SLC25A18: variants seen among roughly 807,000 people sequenced by gnomAD.
The protein encoded by SLC25A18 is solute carrier family 25 member 18.
A neutral mutation model predicts 31.1 loss-of-function variants in SLC25A18; 24 were observed. The ratio of observed to expected loss-of-function variants is 0.77; its 90% confidence interval spans 0.56 to 1.08. The LOEUF is 1.08. Among genes scored for constraint, SLC25A18 ranks in the 50% least tolerant of loss-of-function variants. The probability of loss-of-function intolerance (pLI) is 0.00; values close to 1 mark genes in which losing one functional copy is unlikely to be tolerated. For synonymous variants in SLC25A18, 173 were observed against 161.9 expected (o/e 1.07, Z -0.52); for missense variants, 371 against 418.5 (o/e 0.89, Z 0.99).
chr22:17,568,094 A>G (rs184459837), intron 1 of SLC25A18, among the ~76,000 whole-genome samples: 31 of 152,134 alleles, frequency 2.0e-4, no homozygotes, highest in African/African-American at 6.3e-4. Flanking sequence ...GCCAGGTGCG[A>G]TGGCTCACAC....
At chr22:17,577,576 TCTA>T (rs1384309327) in intron 2 of SLC25A18, among the ~76,000 whole-genome samples, 319 of 140,182 alleles carry the variant, frequency 2.3e-3, no homozygotes, top group Non-Finnish European at 3.3e-3. Context: ...TTGTGTCCTG[TCTA>T]TTTTTTTTTT....
rs1240036775 is a variant in SLC25A18, at chr22:17,569,987, G to C, written c.-201+1G>C. 8.1e-6 allele frequency: 8 copies of C among 985,344 alleles called. No homozygotes were observed. The East Asian group carries it at 7.9e-4, about 98-fold the overall frequency. The allele number at this position is 985,344 out of a possible 1,614,324, so 61.0% of individuals were successfully genotyped here. Reference sequence around the variant, plus strand: ...AGGCAGAGGTTCTTACCGAAAGCAGGTAAGTGTCTTGTCTGTCTGCATCAA... The same window carrying C: ...AGGCAGAGGTTCTTACCGAAAGCAGCTAAGTGTCTTGTCTGTCTGCATCAA... On this transcript the variant is annotated splice_donor_variant, in intron 2 of 10. Transcript: ENST00000327451. LOFTEE classifies it low-confidence loss of function (5UTR_SPLICE).
chr22:17,578,852 A>G (rs1277382917), intron 2 of SLC25A18, among the ~76,000 whole-genome samples: 1 of 152,196 alleles, frequency 6.6e-6, no homozygotes, highest in Admixed American at 6.5e-5. Flanking sequence ...GTGAGCTGAG[A>G]TCGTGCCATT....
chr22:17,565,234 CTA>C (rs1441977119), intron 1 of SLC25A18, among the ~76,000 whole-genome samples: 2 of 152,048 alleles, frequency 1.3e-5, no homozygotes, highest in African/African-American at 4.8e-5. Context: ...GTGCCTGCCA[CTA>C]TACCCAGCTA....
intron 1 of SLC25A18, among the ~76,000 whole-genome samples, chr22:17,567,874 T>C (rs1034749533): frequency 9.9e-5 from 15 of 151,752 alleles, no homozygotes; most frequent in Admixed American, 2.0e-4. Flanking sequence ...AGTAAGGCCA[T>C]TTTTATACTT....
chr22:17,576,564 C>T (rs1013085468), intron 2 of SLC25A18, among the ~76,000 whole-genome samples: 1 of 152,180 alleles, frequency 6.6e-6, no homozygotes, highest in Admixed American at 6.5e-5. Flanking sequence ...GTTATCGGCC[C>T]TGGTGCCAGG....
chr22:17,590,087 C>T lies in SLC25A18; in HGVS notation c.807-8C>T, dbSNP rs1431931699. ...CCCATCAGCTCACTGGCTCTTCTTT[C>T]TCCCCAGGAAACTCTGGATTCAGGA... is the stretch of plus-strand genomic sequence containing the variant. On this transcript the variant is annotated splice_polypyrimidine_tract_variant and splice_region_variant and intron_variant, in intron 10 of 10. Transcript: ENST00000327451. The T allele has an allele frequency of 6.2e-7, 1 of 1,613,864 alleles. No homozygotes were observed. The highest frequency in any genetic ancestry group is 8.5e-7 in the Non-Finnish European group (1 of 1,180,038).
intron 2 of SLC25A18, among the ~76,000 whole-genome samples, chr22:17,572,041 G>T (rs2057102316): frequency 6.7e-6 from 1 of 150,350 alleles, no homozygotes; most frequent in African/African-American, 2.4e-5. Flanking sequence ...AAAAAACTTT[G>T]CCAGGTGTGG....
intron 2 of SLC25A18, among the ~76,000 whole-genome samples, chr22:17,570,628 G>A (rs190990823): frequency 6.6e-6 from 1 of 152,324 alleles, no homozygotes; most frequent in Non-Finnish European, 1.5e-5. Context: ...GGGACTACAG[G>A]TGCATGCCAC....
chr22:17,583,304 G>T, intron 6 of SLC25A18, 112 bp from the exon 7 acceptor site: 1 of 1,363,610 alleles, frequency 7.3e-7, no homozygotes, highest in South Asian at 1.3e-5. Flanking sequence ...CCAGCTGGGT[G>T]AGTGGCAGCC....
chr22:17,569,739 G>A (rs972743784), intron 1 of SLC25A18, 185 bp from the exon 2 acceptor site: 10 of 985,374 alleles, frequency 1.0e-5, no homozygotes, highest in Non-Finnish European at 1.2e-5. Flanking sequence ...GAGGTGCAGC[G>A]TGGCTTGACT....
chr22:17,584,164 C>T (rs1483926516), intron 7 of SLC25A18: 13 of 722,700 alleles, frequency 1.8e-5, no homozygotes, highest in African/African-American at 1.9e-5. Flanking sequence ...GAGGCCGAGG[C>T]GGGCGGATTA....
intron 2 of SLC25A18, among the ~76,000 whole-genome samples, chr22:17,573,860 C>A (rs553275700): frequency 3.3e-5 from 5 of 152,260 alleles, no homozygotes; most frequent in African/African-American, 9.6e-5. Context: ...GAAGGGTCTC[C>A]TAATTGGCCT....
chr22:17,581,473 G>A, intron 5 of SLC25A18, 60 bp downstream of exon 5: 1 of 1,580,926 alleles, frequency 6.3e-7, no homozygotes, highest in Non-Finnish European at 8.7e-7. Flanking sequence ...GGGACATGGG[G>A]AACTGGTGTT....
intron 2 of SLC25A18, among the ~76,000 whole-genome samples, chr22:17,571,982 A>C (rs2057099977): frequency 6.6e-6 from 1 of 151,622 alleles, no homozygotes; most frequent in Non-Finnish European, 1.5e-5. Flanking sequence ...ATGCCCCTGC[A>C]CTCTAGCCTG....
intron 9 of SLC25A18, chr22:17,588,303 C>T (rs1233769593): frequency 1.9e-6 from 1 of 522,360 alleles, no homozygotes; most frequent in Non-Finnish European, 3.4e-6. Flanking sequence ...AGCTTTTCAT[C>T]CCCTCAGAAG....
At position 17,580,953 on chromosome 22, in the gene SLC25A18, C is replaced by T. The variant is rs1314773584; in HGVS notation, c.21-84C>T. 3.4e-6 allele frequency: 5 copies of T among 1,479,982 alleles called. No individual in the cohort carries two copies. In the African/African-American group the frequency reaches 4.2e-5, roughly 12 times the overall value. The allele number at this position is 1,479,982 out of a possible 1,614,324, so 91.7% of individuals were successfully genotyped here. ...GGGCTGGGGTTCCCCACTGTCTGTGCCCCTGCCCATTCCTGGCTGCATCCG... is the reference window on the plus strand; with the variant it reads ...GGGCTGGGGTTCCCCACTGTCTGTGTCCCTGCCCATTCCTGGCTGCATCCG... On this transcript the variant is annotated intron_variant, in intron 3 of 10. Transcript: ENST00000327451.
At position 17,569,576 on chromosome 22, in the gene SLC25A18, G is replaced by A. The variant is rs1048583997; in HGVS notation, c.-263-348G>A. On this transcript the variant is annotated intron_variant, in intron 1 of 10. Transcript: ENST00000327451. ...AGTGTTTGCGTTGCATTGATTTTCA[G>A]TGTTTGTCCTCCTCCCTGGCTTCCA... The A allele has an allele frequency of 2.6e-5, 25 of 979,914 alleles. No individual in the cohort carries two copies. The Admixed American group carries it at 1.4e-3, about 56-fold the overall frequency. 60.7% of individuals were successfully genotyped at this position (979,914 alleles called of 1,614,324 possible). A position where few individuals can be genotyped will look rare whatever the true frequency, so the allele number is the denominator to read the frequency against.
chr22:17,568,240 A>G (rs1274644228), intron 1 of SLC25A18, among the ~76,000 whole-genome samples: 1 of 151,624 alleles, frequency 6.6e-6, no homozygotes, highest in Non-Finnish European at 1.5e-5. Context: ...GGTGGTGGGC[A>G]CCTGTAGTCC....
Sources: gnomAD v4.1 joint callset for allele counts (sites outside exome capture counted in the v4.1 genomes callset) on GRCh38, gnomAD v4.1.1 for gene constraint, MANE v1.5 for transcripts, NCBI Gene and HGNC (gene_info 2026-07-23, HGNC 2026-07-21) for gene names.